The following STT3A variants were observed in gnomAD, a reference collection of about 807,000 sequenced individuals.
STT3A encodes the protein STT3 oligosaccharyltransferase complex catalytic subunit A, also known as dolichyl-diphosphooligosaccharide--protein glycosyltransferase subunit STT3A.
In STT3A, 34 loss-of-function variants were observed where a neutral mutation model predicts 89.2. The ratio of observed to expected loss-of-function variants is 0.38; its 90% CI spans 0.29 to 0.51. The LOEUF is 0.51. Among genes scored for constraint, STT3A ranks in the 20% least tolerant of loss-of-function variants. The pLI is 0.89. For synonymous variants in STT3A, 282 were observed against 310.3 expected (o/e 0.91, Z 0.96); for missense variants, 555 against 889.5 (o/e 0.62, Z 4.78).
rs144368223 is a variant in STT3A, at chr11:125,609,308, A to G, written c.962-126A>G. 9.3e-5 allele frequency: 118 copies of G among 1,274,072 alleles called. No homozygotes were observed. In the African/African-American group the frequency reaches 1.5e-3, roughly 16 times the overall value. The allele number at this position is 1,274,072 out of a possible 1,614,324, so 78.9% of individuals were successfully genotyped here. ...TGAAACTCTCTAAGTATTGGTGGCA[A>G]TTAAGCAAAAACCTAATCCTTCTCT... On this transcript the variant is annotated intron_variant, in intron 9 of 17. Transcript: ENST00000392708.
intron 12 of STT3A, 72 bp downstream of exon 12, chr11:125,612,819 G>A: frequency 6.4e-7 from 1 of 1,566,838 alleles, no homozygotes; most frequent in Non-Finnish European, 8.7e-7. Flanking sequence ...GTGGGCAGCG[G>A]GGGGTGGGAG....
intron 2 of STT3A, 76 bp downstream of exon 2, chr11:125,596,079 C>CTAAAAAGAACAAGGCATT: frequency 9.4e-7 from 1 of 1,063,750 alleles, no homozygotes; most frequent in Non-Finnish European, 1.4e-6. Context: ...AAATCGCTAT[C>CTAAAAAGAACAAGGCATT]TTAAAATGCC....
At chr11:125,601,005 G>GTA (rs1939656603) in intron 3 of STT3A, among the ~76,000 whole-genome samples, 1 of 152,130 alleles carries the variant, frequency 6.6e-6, no homozygotes, top group Non-Finnish European at 1.5e-5. Flanking sequence ...GCCCAGGCTG[G>GTA]TCTTGAACTG....
At chr11:125,606,171 C>T in intron 7 of STT3A, 130 bp from the exon 8 acceptor site, 2 of 884,508 alleles carry the variant, frequency 2.3e-6, no homozygotes, top group East Asian at 2.5e-5. Flanking sequence ...CTCTTTAAGC[C>T]ATTTGGCATA....
intron 17 of STT3A, among the ~76,000 whole-genome samples, chr11:125,620,331 C>T (rs905092619): frequency 1.3e-5 from 2 of 152,126 alleles, no homozygotes; most frequent in Non-Finnish European, 2.9e-5. Flanking sequence ...ATCATTTTGG[C>T]GGTTGTTGCA....
chr11:125,611,802 AT>A (rs887089020), intron 11 of STT3A, among the ~76,000 whole-genome samples: 16 of 112,978 alleles, frequency 1.4e-4, no homozygotes, highest in African/African-American at 5.1e-4. Flanking sequence ...GGGAGATGAT[AT>A]TTTTTTCTTG....
chr11:125,620,639 G>C (rs1294781771), intron 17 of STT3A, 133 bp from the exon 18 acceptor site: 3 of 737,114 alleles, frequency 4.1e-6, no homozygotes, highest in Admixed American at 4.6e-5. Flanking sequence ...GTCAGTGCTT[G>C]TGTATTCACA....
In STT3A at chr11:125,612,666, A is replaced by T; in HGVS notation, c.1284A>T (p.Thr428=). The change falls in exon 12 of 18, where the codon ACA becomes ACT. Residue 428 remains threonine (T), a synonymous_variant. Transcript: ENST00000392708. ...TTGGAGTCTCCCAGGTGCTGTCCACATACATGAAGAATCTGGACATAAGTC... is the reference window on the plus strand; with the variant it reads ...TTGGAGTCTCCCAGGTGCTGTCCACTTACATGAAGAATCTGGACATAAGTC... ...SGIGVSQVLS[T]YMKNLDISRP... 6.2e-7 allele frequency: 1 copy of T among 1,614,200 alleles called. No homozygotes were observed. Among genetic ancestry groups the T allele is most frequent in the Non-Finnish European group, 8.5e-7 (1 of 1,180,038 alleles).
intron 3 of STT3A, 35 bp downstream of exon 3, chr11:125,597,154 T>C (rs1287580214): frequency 1.2e-6 from 2 of 1,609,834 alleles, no homozygotes; most frequent in Non-Finnish European, 1.7e-6. Flanking sequence ...ATTATTTCCT[T>C]TGGGAGGCAT....
In STT3A at chr11:125,597,059, C is replaced by G. The variant is rs1939519654; in HGVS notation, c.89C>G (p.Ser30Cys). 1 of 1,613,818 alleles carries G rather than the reference C, an allele frequency of 6.2e-7. No individual in the cohort carries two copies. The highest frequency in any genetic ancestry group is 1.3e-5 in the African/African-American group (1 of 74,868). ...LLILSMAAVL[S>C]FSTRLFAVLR... ...AATATTAACTCTCTGGTTTTTGCAGCCTTCTCCACTCGTCTGTTTGCTGTC... is the reference window on the plus strand; with the variant it reads ...AATATTAACTCTCTGGTTTTTGCAGGCTTCTCCACTCGTCTGTTTGCTGTC... The change falls in exon 3 of 18, where the codon TCC becomes TGC. Residue 30 changes from serine to cysteine, a missense_variant and splice_region_variant. Physicochemically the swap from Ser to Cys is moderately radical, Grantham distance 112 (BLOSUM62 -1). Coordinates refer to ENST00000392708, the MANE Select transcript of STT3A (RefSeq NM_152713.5).
At chr11:125,618,973 ATCT>A (rs1216317668) in intron 16 of STT3A, among the ~76,000 whole-genome samples, 1 of 152,074 alleles carries the variant, frequency 6.6e-6, no homozygotes, top group Non-Finnish European at 1.5e-5. Flanking sequence ...AGCTCAAGCA[ATCT>A]TCTTGTCATG....
At chr11:125,601,109 T>C (rs1939661226) in intron 3 of STT3A, among the ~76,000 whole-genome samples, 1 of 152,198 alleles carries the variant, frequency 6.6e-6, no homozygotes, top group Admixed American at 6.5e-5. Context: ...TTTATGCTTC[T>C]ATATAGGTGA....
upstream of STT3A, chr11:125,592,331 G>T (rs1177798599): frequency 1.8e-5 from 8 of 452,942 alleles, no homozygotes; most frequent in African/African-American, 1.0e-4. Flanking sequence ...GTCTGGACCA[G>T]TCCGCGTTTG....
Position 125,613,301 on chromosome 11 carries a change from T to A in STT3A, c.1554+124T>A. 1.0e-6 allele frequency: 1 copy of A among 997,038 alleles called. No individual in the cohort carries two copies. The highest frequency in any genetic ancestry group is 1.5e-6 in the Non-Finnish European group (1 of 682,230). The allele number at this position is 997,038 out of a possible 1,614,324, so 61.8% of individuals were successfully genotyped here. The stretch of plus-strand genomic sequence containing the variant: ...GGGTGAAACTGGAACTTTGCAACTC[T>A]AGTCTTGAATGAGCCTTAAAGGTGA... On this transcript the variant is annotated intron_variant, in intron 13 of 17. Coordinates refer to ENST00000392708, the MANE Select transcript of STT3A (RefSeq NM_152713.5). The surrounding 1 kb of genome is among the most constrained non-coding windows in gnomAD (Gnocchi z 4.2).
chr11:125,618,984 A>G (rs1290499465), intron 16 of STT3A, among the ~76,000 whole-genome samples: 1 of 151,976 alleles, frequency 6.6e-6, no homozygotes, highest in Non-Finnish European at 1.5e-5. Flanking sequence ...TCTTCTTGTC[A>G]TGGCCTCCTG....
chr11:125,592,357 T>G, upstream of STT3A: 1 of 455,822 alleles, frequency 2.2e-6, no homozygotes, highest in Non-Finnish European at 4.4e-6. Context: ...TAATTGAGAA[T>G]AAATAGGTAG....
At chr11:125,596,920 G>A in intron 2 of STT3A, 139 bp from the exon 3 acceptor site, 1 of 910,902 alleles carries the variant, frequency 1.1e-6, no homozygotes, top group Non-Finnish European at 1.7e-6. Flanking sequence ...GGGGAAAGAT[G>A]GATAAAGACT....
intron 7 of STT3A, 152 bp from the exon 8 acceptor site, chr11:125,606,149 C>T: frequency 1.5e-6 from 1 of 661,202 alleles, no homozygotes; most frequent in East Asian, 2.8e-5. Context: ...AAAAAAAAAT[C>T]AGTTATTTGA....
intron 3 of STT3A, 72 bp from the exon 4 acceptor site, chr11:125,602,231 A>C: frequency 6.6e-7 from 1 of 1,522,942 alleles, no homozygotes; most frequent in Non-Finnish European, 8.9e-7. Flanking sequence ...AGTAATGCTG[A>C]ATTTCTCAAT....
Sources: allele counts gnomAD v4.1 joint callset (sites outside exome capture counted in the v4.1 genomes callset), GRCh38; gene constraint gnomAD v4.1.1; non-coding constraint Gnocchi (gnomAD v3.1); transcripts MANE v1.5; gene names NCBI Gene and HGNC (gene_info 2026-07-23, HGNC 2026-07-21).